Variants in EVC2 observed in about 807,000 individuals in gnomAD.
The protein encoded by EVC2 is limbin.
Under a neutral mutation model 149.3 loss-of-function variants are expected in EVC2, and 148 were observed. The observed-to-expected ratio is 0.99, with a 90% CI of 0.87 to 1.14. The LOEUF is 1.14. EVC2 is among the 50% of genes most tolerant of loss of function. The pLI, the probability that EVC2 is intolerant of heterozygous loss-of-function variation, is 0.00. For synonymous variants in EVC2, 776 were observed against 649.9 expected (o/e 1.19, Z -2.95); for missense variants, 1,854 against 1,627.3 (o/e 1.14, Z -2.40).
rs1720682713 is a variant in EVC2 at position 5,686,057 on chromosome 4, T to TAC, written c.707-580_707-579dup. Among the ~76,000 whole-genome samples, 1 of 150,604 alleles carries TAC rather than the reference T, an allele frequency of 6.6e-6. No individual in the cohort carries two copies. Among genetic ancestry groups the TAC allele is most frequent in the African/African-American group, 2.5e-5 (1 of 40,746 alleles). ...TCAAAAATATATATAGATACATATA[T>TAC]ACACACATATATAACATATATACAC... On this transcript the variant is annotated intron_variant, in intron 5 of 21. Transcript: ENST00000344408. The surrounding 1 kb of genome is among the most constrained non-coding windows in gnomAD (Gnocchi z 5.4).
At chr4:5,539,797 A>T (rs142736947), downstream of EVC2, among the ~76,000 whole-genome samples, 3 of 149,164 alleles carry the variant, frequency 2.0e-5, no homozygotes, top group African/African-American at 7.4e-5. Context: ...ACACACACAC[A>T]CACTTTAAAG....
At chr4:5,623,239 G>A (rs1281272643) in intron 13 of EVC2, among the ~76,000 whole-genome samples, 3 of 152,210 alleles carry the variant, frequency 2.0e-5, no homozygotes, top group Non-Finnish European at 4.4e-5. Context: ...GGGTTCAAGC[G>A]ATTCTTGTGC....
chr4:5,683,879 G>A (rs1198362257), intron 6 of EVC2, among the ~76,000 whole-genome samples: 1 of 145,498 alleles, frequency 6.9e-6, no homozygotes, highest in East Asian at 2.1e-4. Flanking sequence ...CAGCTGCCCG[G>A]GAACACACAC....
intron 16 of EVC2, among the ~76,000 whole-genome samples, chr4:5,612,055 C>T (rs903933524): frequency 6.6e-6 from 1 of 152,112 alleles, no homozygotes; most frequent in African/African-American, 2.4e-5. Flanking sequence ...TTTGCCAAGA[C>T]GGAATGTTAA....
At position 5,615,416 on chromosome 4, in the gene EVC2, A is replaced by G. The variant is rs1466873890; in HGVS notation, c.2829+6T>C. The G allele has an allele frequency of 1.9e-6, 3 of 1,614,096 alleles. No individual in the cohort carries two copies. The highest frequency in any genetic ancestry group is 1.7e-5 in the Admixed American group (1 of 60,008). On this transcript the variant is annotated splice_donor_region_variant and intron_variant, in intron 16 of 21. Transcript: ENST00000344408. The stretch of plus-strand genomic sequence containing the variant: ...AGAAACAGCTGGGTGAAGCAGATGT[A>G]CTGACCTTTTCCACCAGGTCTTCAG...
intron 17 of EVC2, among the ~76,000 whole-genome samples, chr4:5,581,946 G>A (rs1020511628): frequency 3.9e-5 from 6 of 152,238 alleles, no homozygotes; most frequent in Admixed American, 3.9e-4. Flanking sequence ...TCCATGTGGT[G>A]TTAAGCCTGC....
chr4:5,600,402 C>G (rs1341610275), intron 16 of EVC2, among the ~76,000 whole-genome samples: 1 of 152,138 alleles, frequency 6.6e-6, no homozygotes, highest in Non-Finnish European at 1.5e-5. Flanking sequence ...GCGTTTCCCC[C>G]TATTTTAAAG....
rs1473280312 is a variant in EVC2, at chr4:5,584,825, C to G, written c.2855G>C (p.Arg952Thr). ...EKVRGELLRE[R>T]VQRMEAQEGG... ...CTCCTGTGCCTCCATCCGCTGCACT[C>G]TCTCCCGCAGCAATTCACCTCGAAC... Residue 952 changes from arginine (R) to threonine (T), a missense_variant, in exon 17 of 22, where the codon AGA (arginine) becomes ACA (threonine). By Grantham distance (71) the Arg-to-Thr change is moderately conservative (BLOSUM62 -1). Transcript: ENST00000344408. 1.2e-6 allele frequency: 2 copies of G among 1,614,188 alleles called. No homozygotes were observed. The highest frequency in any genetic ancestry group is 1.7e-6 in the Non-Finnish European group (2 of 1,180,038).
intron 20 of EVC2, among the ~76,000 whole-genome samples, chr4:5,568,139 A>G (rs1245749682): frequency 6.6e-6 from 1 of 152,116 alleles, no homozygotes; most frequent in Non-Finnish European, 1.5e-5. Context: ...AGAGAAACAC[A>G]TTCTGGAGGA....
chr4:5,708,808 G>A, upstream of EVC2: 1 of 312,884 alleles, frequency 3.2e-6, no homozygotes, highest in Non-Finnish European at 5.8e-6. Context: ...GGACCCCAAG[G>A]GCCCCTCCGC....
chr4:5,576,459 A>G lies in EVC2; in HGVS notation c.3058-5T>C, dbSNP rs765936867. 2 of 1,584,730 alleles carry G rather than the reference A, an allele frequency of 1.3e-6. No individual in the cohort carries two copies. Among genetic ancestry groups the G allele is most frequent in the East Asian group, 2.3e-5 (1 of 43,228 alleles). Reference sequence around the variant, plus strand: ...CCTCTCCAACTCCTGGAGCTCCTACACAAGGAAGGGGCAGAGGGTAAGCAC... The same window carrying G: ...CCTCTCCAACTCCTGGAGCTCCTACGCAAGGAAGGGGCAGAGGGTAAGCAC... On this transcript the variant is annotated splice_polypyrimidine_tract_variant and splice_region_variant and intron_variant, in intron 17 of 21. Transcript: ENST00000344408. The surrounding 1 kb of genome is among the most constrained non-coding windows in gnomAD (Gnocchi z 4.5).
rs71171411 is a variant in EVC2, at chr4:5,686,127, C to CACACACACAT, written c.707-649_707-648insATGTGTGTGT. ...ACACACACACACACACACACACACA[C>CACACACACAT]AGAGTAAAGAAAAGAGGAGGAACGC... On this transcript the variant is annotated intron_variant, in intron 5 of 21. Coordinates refer to ENST00000344408, the MANE Select transcript of EVC2 (RefSeq NM_147127.5). This position sits in a 1 kb window ranked among gnomAD's most constrained non-coding sequence, Gnocchi z 5.4. Among the ~76,000 whole-genome samples, 43 of 149,548 alleles carry CACACACACAT rather than the reference C, an allele frequency of 2.9e-4. No homozygotes were observed. Among genetic ancestry groups the CACACACACAT allele is most frequent in the African/African-American group, 8.2e-4 (33 of 40,106 alleles).
At chr4:5,647,587 G>C (rs375067052) in intron 9 of EVC2, among the ~76,000 whole-genome samples, 7 of 152,164 alleles carry the variant, frequency 4.6e-5, no homozygotes, top group African/African-American at 1.7e-4. Flanking sequence ...TGTGTGTATG[G>C]CTAAATGTCA....
downstream of EVC2, among the ~76,000 whole-genome samples, chr4:5,537,930 A>G (rs923852758): frequency 2.6e-5 from 4 of 152,188 alleles, no homozygotes; most frequent in Non-Finnish European, 5.9e-5. Flanking sequence ...AGGAAACAAC[A>G]AAGATAAGAG....
In EVC2 at chr4:5,686,078, TAC is replaced by T. The variant is rs992177806; in HGVS notation, c.707-601_707-600del. Among the ~76,000 whole-genome samples, 44 of 132,218 alleles carry T rather than the reference TAC, an allele frequency of 3.3e-4. 1 individual carries two copies. The Middle Eastern group carries it at 0.015, about 46-fold the overall frequency. 86.7% of individuals were successfully genotyped at this position (132,218 alleles called of 152,430 possible). On this transcript the variant is annotated intron_variant, in intron 5 of 21. Transcript: ENST00000344408. This position sits in a 1 kb window ranked among gnomAD's most constrained non-coding sequence, Gnocchi z 5.4. ...TATATACACACATATATAACATATA[TAC>T]ACACACATATATATTACACACACAC...
At position 5,574,553 on chromosome 4, in the gene EVC2, C is replaced by T. The variant is rs1722806796; in HGVS notation, c.3360+132G>A. On this transcript the variant is annotated intron_variant, in intron 19 of 21. Transcript: ENST00000344408. ...GCTGGGCCCATGCTAGAGCTTCGCA[C>T]ACATCTGCTCTGCAGGTTCCAAGGC... 6.7e-5 allele frequency: 60 copies of T among 899,736 alleles called. 2 individuals carry two copies. The South Asian group carries it at 8.2e-4, about 12-fold the overall frequency. 55.7% of individuals were successfully genotyped at this position (899,736 alleles called of 1,614,324 possible). A position where few individuals can be genotyped will look rare whatever the true frequency, so the allele number is the denominator to read the frequency against.
In EVC2 at chr4:5,655,646, G is replaced by A. The variant is rs565120406; in HGVS notation, c.1145+7461C>T. ...TTGATATGGGAAATAGACACAACTCGCGCATCACAGACTGTGCTGAGAGCC... is the reference window on the plus strand; with the variant it reads ...TTGATATGGGAAATAGACACAACTCACGCATCACAGACTGTGCTGAGAGCC... On this transcript the variant is annotated intron_variant, in intron 9 of 21. Coordinates refer to ENST00000344408, the MANE Select transcript of EVC2 (RefSeq NM_147127.5). Among the ~76,000 whole-genome samples, 13 of 151,992 alleles carry A rather than the reference G, an allele frequency of 8.6e-5. No homozygotes were observed. The South Asian group carries it at 1.5e-3, about 17-fold the overall frequency.
chr4:5,698,136 C>G (rs2151740132), intron 1 of EVC2, among the ~76,000 whole-genome samples: 1 of 152,308 alleles, frequency 6.6e-6, no homozygotes, highest in South Asian at 2.1e-4. Context: ...GAATTCCCTT[C>G]TCTTTCCCAG....
intron 5 of EVC2, among the ~76,000 whole-genome samples, chr4:5,685,789 G>A (rs1458096041): frequency 6.6e-6 from 1 of 152,186 alleles, no homozygotes; most frequent in Non-Finnish European, 1.5e-5. Flanking sequence ...TTCTCACTGT[G>A]CAGCGCACCT....
Sources: allele counts gnomAD v4.1 joint callset (sites outside exome capture counted in the v4.1 genomes callset), GRCh38; gene constraint gnomAD v4.1.1; non-coding constraint Gnocchi (gnomAD v3.1); transcripts MANE v1.5; gene names NCBI Gene and HGNC (gene_info 2026-07-23, HGNC 2026-07-21).